METTL8: variants seen among roughly 807,000 people sequenced by gnomAD.
METTL8 encodes methyltransferase 8, tRNA N3-cytidine.
METTL8 carries 32 observed loss-of-function variants against 48.7 expected under a neutral mutation model. The ratio of observed to expected loss-of-function variants is 0.66; its 90% CI spans 0.50 to 0.88. The LOEUF (loss-of-function observed/expected upper bound fraction) is 0.88. Among genes scored for constraint, METTL8 ranks in the 40% least tolerant of loss-of-function variants. The pLI, the probability that METTL8 is intolerant of heterozygous loss-of-function variation, is 0.00. For missense variants in METTL8, 464 were observed against 474.4 expected, an observed-to-expected ratio of 0.98 and a Z score of 0.20; for synonymous variants, 136 against 157.1, an observed-to-expected ratio of 0.87 and a Z score of 1.01.
At chr2:171,370,958 CT>C (rs952430734) in intron 2 of METTL8, among the ~76,000 whole-genome samples, 1 of 152,046 alleles carries the variant, frequency 6.6e-6, no homozygotes, top group Non-Finnish European at 1.5e-5. Flanking sequence ...ACATATTACA[CT>C]TCGTAAATAA....
At chr2:171,417,001 A>G (rs1449804452) in intron 1 of METTL8, among the ~76,000 whole-genome samples, 3 of 152,356 alleles carry the variant, frequency 2.0e-5, no homozygotes, top group Non-Finnish European at 4.4e-5. Context: ...GCTGAACCCT[A>G]CATCTGAGGG....
intron 2 of METTL8, among the ~76,000 whole-genome samples, chr2:171,382,447 C>T (rs539708771): frequency 9.9e-4 from 151 of 152,210 alleles, no homozygotes; most frequent in Middle Eastern, 3.4e-3. Flanking sequence ...AGCAAACTAA[C>T]GCAGGAATAG....
At chr2:171,388,291 C>T (rs77856502) in intron 2 of METTL8, among the ~76,000 whole-genome samples, 4,728 of 152,270 alleles carry the variant, frequency 0.031, 82 homozygotes, top group East Asian at 0.051. Flanking sequence ...AATATATACA[C>T]TTAATACACT....
At chr2:171,332,791 T>C (rs577272707) in intron 5 of METTL8, 27 of 152,156 alleles carry the variant, frequency 1.8e-4, no homozygotes, top group African/African-American at 6.5e-4. Flanking sequence ...CACCCTGAGG[T>C]ATAAGTCTTA....
At position 171,342,421 on chromosome 2, in the gene METTL8, T is replaced by C. The variant is rs117325597; in HGVS notation, c.236-2867A>G. On this transcript the variant is annotated intron_variant, in intron 3 of 9. Transcript: ENST00000375258. ...TGGTTGATCTGAAACTATATATTTGTCTTTTAAATATTTCTATCTCTATTT... is the reference window on the plus strand; with the variant it reads ...TGGTTGATCTGAAACTATATATTTGCCTTTTAAATATTTCTATCTCTATTT... Among the ~76,000 whole-genome samples, 297 of 152,374 alleles carry C rather than the reference T, an allele frequency of 1.9e-3. 7 individuals are homozygous for C. In the East Asian group the frequency reaches 0.029, roughly 15 times the overall value.
intron 3 of METTL8, among the ~76,000 whole-genome samples, chr2:171,344,183 T>C (rs1687050017): frequency 1.3e-5 from 2 of 152,206 alleles, no homozygotes; most frequent in African/African-American, 4.8e-5. Flanking sequence ...GTCAAATGCT[T>C]TACTTGGATT....
chr2:171,348,474 A>C (rs1405437436), intron 3 of METTL8, among the ~76,000 whole-genome samples: 1 of 152,140 alleles, frequency 6.6e-6, no homozygotes, highest in Non-Finnish European at 1.5e-5. Flanking sequence ...TAGTTTGCTG[A>C]CCCTTGCTTC....
At chr2:171,324,392 T>C in intron 9 of METTL8, 30 bp from the exon 10 acceptor site, 7 of 1,539,112 alleles carry the variant, frequency 4.5e-6, no homozygotes, top group Non-Finnish European at 6.1e-6. Context: ...ATAAAAGATA[T>C]GACATGTGAC....
chr2:171,413,010 T>C (rs1215334287), intron 1 of METTL8, among the ~76,000 whole-genome samples: 3 of 152,236 alleles, frequency 2.0e-5, no homozygotes, highest in Non-Finnish European at 2.9e-5. Context: ...AAATGAAATG[T>C]GTCAACATTT....
chr2:171,431,078 G>A (rs1692963231), intron 1 of METTL8, among the ~76,000 whole-genome samples: 1 of 152,214 alleles, frequency 6.6e-6, no homozygotes, highest in Non-Finnish European at 1.5e-5. Flanking sequence ...GGCTGAGAAT[G>A]AAAGGAGTTA....
intron 3 of METTL8, among the ~76,000 whole-genome samples, chr2:171,346,309 G>A (rs1157887876): frequency 6.6e-6 from 1 of 152,184 alleles, no homozygotes; most frequent in African/African-American, 2.4e-5. Flanking sequence ...TTACAGGTGT[G>A]AGCCACCACA....
At chr2:171,367,010 GA>G (rs34608485) in intron 2 of METTL8, among the ~76,000 whole-genome samples, 2 of 151,586 alleles carry the variant, frequency 1.3e-5, no homozygotes, top group Non-Finnish European at 2.9e-5. Flanking sequence ...CACAAAGATT[GA>G]AAAAAAGTGT....
intron 7 of METTL8, among the ~76,000 whole-genome samples, chr2:171,328,346 TC>T (rs1458681606): frequency 1.3e-5 from 2 of 152,214 alleles, no homozygotes; most frequent in East Asian, 3.8e-4. Flanking sequence ...TACAATTTAT[TC>T]CCATTTAAGC....
chr2:171,428,079 T>C (rs1692597373), intron 1 of METTL8, among the ~76,000 whole-genome samples: 1 of 152,190 alleles, frequency 6.6e-6, no homozygotes, highest in East Asian at 1.9e-4. Flanking sequence ...TAAAATATCA[T>C]GGCTAGGATG....
Position 171,324,166 on chromosome 2 carries a change from C to A in METTL8, c.*6G>T. 1 of 1,541,386 alleles carries A rather than the reference C, an allele frequency of 6.5e-7. No individual in the cohort carries two copies. The highest frequency in any genetic ancestry group is 8.8e-7 in the Non-Finnish European group (1 of 1,140,678). On this transcript the variant is annotated 3_prime_UTR_variant, in exon 10 of 10. Coordinates refer to ENST00000375258, the MANE Select transcript of METTL8 (RefSeq NM_001321154.2). ...TCTGGCTTTGTACCTTAACATGTTA[C>A]AAAGTTCAGTCTTGTGAAAGGAGTG...
intron 2 of METTL8, among the ~76,000 whole-genome samples, chr2:171,366,888 CAA>C (rs35179830): frequency 2.0e-4 from 12 of 61,000 alleles, no homozygotes; most frequent in Non-Finnish European, 2.7e-4. Context: ...GACCCTGTCT[CAA>C]AAAAAAAAAA....
intron 3 of METTL8, among the ~76,000 whole-genome samples, chr2:171,359,455 A>C (rs1684934653): frequency 2.0e-5 from 3 of 152,142 alleles, no homozygotes; most frequent in Non-Finnish European, 4.4e-5. Flanking sequence ...AACAGTGTGG[A>C]GTTTCCTCAA....
At chr2:171,363,065 T>A (rs2105478930) in intron 2 of METTL8, among the ~76,000 whole-genome samples, 1 of 152,358 alleles carries the variant, frequency 6.6e-6, no homozygotes, top group Middle Eastern at 3.4e-3. Flanking sequence ...TCTTCCGCTT[T>A]AAGCATTTAA....
rs772057584 is a variant in METTL8 at position 171,360,424 on chromosome 2, T to A, written c.233A>T (p.Gln78Leu). ...AGCTACAGCACGCAGTTGACTACCT[T>A]GCTCTTCCAGAAGGACTCGCACAGC... ...NSAVRVLLEE[Q>L]VKYEREASKY... Residue 78 changes from glutamine to leucine, a missense_variant and splice_region_variant, in exon 3 of 10, where the codon CAA becomes CTA. Transcript: ENST00000375258. 6.2e-7 allele frequency: 1 copy of A among 1,613,716 alleles called. No homozygotes were observed. The highest frequency in any genetic ancestry group is 8.5e-7 in the Non-Finnish European group (1 of 1,179,790).
Sources: allele counts gnomAD v4.1 joint callset (sites outside exome capture counted in the v4.1 genomes callset), GRCh38; gene constraint gnomAD v4.1.1; transcripts MANE v1.5; gene names NCBI Gene and HGNC (gene_info 2026-07-23, HGNC 2026-07-21).